ZNF738: variants seen among roughly 807,000 people sequenced by gnomAD.
ZNF738 encodes zinc finger protein 738.
Under a neutral mutation model 9.2 loss-of-function variants are expected in ZNF738, and 10 were observed. The observed-to-expected ratio is 1.09, with a 90% CI of 0.67 to 1.85. ZNF738 has a LOEUF of 1.85. Among genes scored for constraint, ZNF738 ranks in the 40% most tolerant of loss-of-function variants. The pLI, the probability that ZNF738 is intolerant of heterozygous loss-of-function variation, is 0.00. For missense variants in ZNF738, 346 were observed against 283.6 expected (o/e 1.22, Z -1.58); for synonymous variants, 113 against 94.5 (o/e 1.20, Z -1.14).
At chr19:21,359,591 G>C (rs1302306844) in intron 1 of ZNF738, among the ~76,000 whole-genome samples, 1 of 152,062 alleles carries the variant, frequency 6.6e-6, no homozygotes, top group Non-Finnish European at 1.5e-5. Flanking sequence ...TCAAAGAGTG[G>C]TTCTAGGCTG....
At chr19:21,360,202 GAACCCAGGGACTAGAGA>G (rs1171650957) in intron 1 of ZNF738, among the ~76,000 whole-genome samples, 2 of 151,968 alleles carry the variant, frequency 1.3e-5, no homozygotes, top group African/African-American at 4.8e-5. Flanking sequence ...ATTGAAGTAG[GAACCCAGGGACTAGAGA>G]AACCTCAGTC....
intron 4 of ZNF738, chr19:21,378,153 CTAATTA>C (rs753946975): frequency 5.2e-6 from 2 of 386,154 alleles, no homozygotes; most frequent in Non-Finnish European, 9.1e-6. Flanking sequence ...CTTGATGTTG[CTAATTA>C]TATTTTTATA....
chr19:21,383,953 AC>A lies in ZNF738; in HGVS notation c.*281del. On this transcript the variant is annotated 3_prime_UTR_variant, in exon 5 of 5. Transcript: ENST00000683779. ...GGCAAAGCTTTTAACTGTTACTCCT[AC>A]CTTACTGCACATAAGTTGATTCATA... 1 of 1,428,584 alleles carries A rather than the reference AC, an allele frequency of 7.0e-7. No individual in the cohort carries two copies. Among genetic ancestry groups the A allele is most frequent in the South Asian group, 1.1e-5 (1 of 87,208 alleles). The allele number at this position is 1,428,584 out of a possible 1,614,324, so 88.5% of individuals were successfully genotyped here.
At chr19:21,373,826 C>T (rs1436746046) in intron 2 of ZNF738, among the ~76,000 whole-genome samples, 2 of 150,698 alleles carry the variant, frequency 1.3e-5, no homozygotes, top group Non-Finnish European at 3.0e-5. Context: ...GAGCTGTGTC[C>T]ACTCTGCCTC....
At chr19:21,365,292 G>T (rs1472534192) in intron 2 of ZNF738, among the ~76,000 whole-genome samples, 2 of 151,980 alleles carry the variant, frequency 1.3e-5, no homozygotes, top group African/African-American at 4.8e-5. Flanking sequence ...CCTGTATCCT[G>T]TGCTGACTTC....
intron 2 of ZNF738, among the ~76,000 whole-genome samples, chr19:21,362,865 A>G (rs1973718495): frequency 6.6e-6 from 1 of 152,232 alleles, no homozygotes. Flanking sequence ...AGAAGAGGAA[A>G]AATGTCTATT....
chr19:21,380,206 C>G (rs1027822273), intron 4 of ZNF738, among the ~76,000 whole-genome samples: 2 of 152,134 alleles, frequency 1.3e-5, no homozygotes, highest in African/African-American at 2.4e-5. Context: ...ACCATAGTTT[C>G]AAAGATGAAA....
chr19:21,383,862 T>C lies in ZNF738; in HGVS notation c.*188T>C. 1.5e-6 allele frequency: 2 copies of C among 1,371,166 alleles called. No individual in the cohort carries two copies. The highest frequency in any genetic ancestry group is 2.1e-6 in the Non-Finnish European group (2 of 964,834). The allele number at this position is 1,371,166 out of a possible 1,614,324, so 84.9% of individuals were successfully genotyped here. Reference sequence around the variant, plus strand: ...AGAATGTGGCAAAGCTTTCTTCAGATTCTCATACCTTACTACACATAAGAT... The same window carrying C: ...AGAATGTGGCAAAGCTTTCTTCAGACTCTCATACCTTACTACACATAAGAT... On this transcript the variant is annotated 3_prime_UTR_variant, in exon 5 of 5. Transcript: ENST00000683779.
intron 1 of ZNF738, 114 bp from the exon 2 acceptor site, chr19:21,361,652 T>A (rs1973694540): frequency 1.4e-6 from 1 of 700,792 alleles, no homozygotes; most frequent in Non-Finnish European, 2.7e-6. Context: ...ACCGTTTAGT[T>A]TTTTCCCGGT....
rs759840174 is a variant in ZNF738 at position 21,361,814 on chromosome 19, C to G, written c.52C>G (p.Pro18Ala). The G allele has an allele frequency of 6.4e-6, 5 of 780,504 alleles. No homozygotes were observed. The East Asian group carries it at 7.3e-5, about 11-fold the overall frequency. 48.3% of individuals were successfully genotyped at this position (780,504 alleles called of 1,614,324 possible). ...VYPVKGASGYPGAERNLLEYS... is the reference protein window; with the variant it reads ...VYPVKGASGYAGAERNLLEYS... ...TCCTGTCAAGGGGGCAAGTGGATAC[C>G]CTGGGGCTGAGAGGAATCTTCTGGA... Residue 18 changes from proline to alanine, a missense_variant, in exon 2 of 5, where the codon CCT becomes GCT. By Grantham distance (27) the Pro-to-Ala change is conservative. Transcript: ENST00000683779.
chr19:21,376,028 A>T, intron 4 of ZNF738, 64 bp downstream of exon 4: 2 of 628,712 alleles, frequency 3.2e-6, no homozygotes, highest in Non-Finnish European at 5.8e-6. Context: ...AAAAAAAAAA[A>T]GCAGTCCCTA....
intron 1 of ZNF738, among the ~76,000 whole-genome samples, chr19:21,361,075 A>G (rs1330533331): frequency 6.6e-6 from 1 of 151,042 alleles, no homozygotes; most frequent in African/African-American, 2.4e-5. Context: ...TGGCCTCCCG[A>G]AGTGCTGGGA....
intron 2 of ZNF738, chr19:21,372,917 C>CA (rs1973874729): frequency 6.6e-6 from 1 of 152,202 alleles, no homozygotes; most frequent in Non-Finnish European, 1.5e-5. Context: ...AGAGAGCCAG[C>CA]AAAGAATATG....
At position 21,386,707 on chromosome 19, in the gene ZNF738, CAGTT is replaced by C. The variant is rs1379493969; in HGVS notation, c.*3035_*3038del. The C allele has an allele frequency of 2.2e-4, 38 of 169,924 alleles. No individual in the cohort carries two copies. The highest frequency in any genetic ancestry group is 4.0e-4 in the Non-Finnish European group (31 of 76,658). 10.5% of individuals were successfully genotyped at this position (169,924 alleles called of 1,614,324 possible). A position where few individuals can be genotyped will look rare whatever the true frequency, so the allele number is the denominator to read the frequency against. On this transcript the variant is annotated 3_prime_UTR_variant, in exon 5 of 5. Coordinates refer to ENST00000683779, the MANE Select transcript of ZNF738 (RefSeq NM_001355237.2). The stretch of plus-strand genomic sequence containing the variant: ...TATGGCAAAAGCTTTAACTAGTTCT[CAGTT>C]ATTATTATTATTTTTAGAGATGGAG...
intron 4 of ZNF738, chr19:21,382,066 C>CTTT (rs139193236): frequency 0.43 from 49,035 of 114,382 alleles, 11,499 homozygotes; most frequent in East Asian, 0.55. Flanking sequence ...TTCTTTCTTT[C>CTTT]TTTTTTTTTT....
At chr19:21,370,048 A>G (rs1417324292) in intron 2 of ZNF738, among the ~76,000 whole-genome samples, 1 of 152,234 alleles carries the variant, frequency 6.6e-6, no homozygotes, top group Non-Finnish European at 1.5e-5. Flanking sequence ...TCCTGACCTC[A>G]TGATCCGCCA....
chr19:21,381,580 G>A (rs554513182), intron 4 of ZNF738: 28 of 600,020 alleles, frequency 4.7e-5, no homozygotes, highest in Admixed American at 2.4e-4. Context: ...TGCAAGCTCC[G>A]TCTCCCGGGT....
intron 4 of ZNF738, chr19:21,377,994 GT>G: frequency 2.5e-6 from 1 of 396,254 alleles, no homozygotes; most frequent in Non-Finnish European, 4.4e-6. Context: ...TTCTTATGTT[GT>G]TTTCTGTGTC....
chr19:21,387,933 T>C lies in ZNF738; in HGVS notation c.*4259T>C, dbSNP rs1974086540. ...ATATAATAAATGTGGAAAAACACTT[T>C]TTCAAAAACTACATCAGAAAACACC... On this transcript the variant is annotated 3_prime_UTR_variant, in exon 5 of 5. Transcript: ENST00000683779. Among the ~76,000 whole-genome samples, 1 of 152,126 alleles carries C rather than the reference T, an allele frequency of 6.6e-6. No individual in the cohort carries two copies. The highest frequency in any genetic ancestry group is 2.4e-5 in the African/African-American group (1 of 41,422).
Sources: gnomAD v4.1 joint callset for allele counts (sites outside exome capture counted in the v4.1 genomes callset) on GRCh38, gnomAD v4.1.1 for gene constraint, MANE v1.5 for transcripts, NCBI Gene and HGNC (gene_info 2026-07-23, HGNC 2026-07-21) for gene names.